MCF2L2: variants seen among roughly 807,000 people sequenced by gnomAD.
MCF2L2 encodes MCF.2 cell line derived transforming sequence-like 2.
MCF2L2 carries 102 observed loss-of-function variants against 150.2 expected under a neutral mutation model. The observed-to-expected ratio is 0.68, with a 90% CI of 0.58 to 0.80. The LOEUF is 0.80. Ranked by LOEUF, MCF2L2 falls within the 30% of genes least tolerant of loss-of-function variation. The pLI is 0.00. For missense variants in MCF2L2, 1,256 were observed against 1,372.8 expected (o/e 0.91, Z 1.34); for synonymous variants, 465 against 491.3 (o/e 0.95, Z 0.71).
chr3:183,250,105 T>C (rs1724447645), intron 15 of MCF2L2, among the ~76,000 whole-genome samples: 1 of 152,204 alleles, frequency 6.6e-6, no homozygotes, highest in Non-Finnish European at 1.5e-5. Flanking sequence ...TACTGACACA[T>C]AACAGCCTGG....
At chr3:183,312,482 C>T (rs1729423660) in intron 7 of MCF2L2, among the ~76,000 whole-genome samples, 2 of 152,148 alleles carry the variant, frequency 1.3e-5, no homozygotes, top group African/African-American at 4.8e-5. Context: ...GTCCAGACTG[C>T]AAAACAAAAG....
In MCF2L2 at chr3:183,270,468, C is replaced by T. The variant is rs1422208998; in HGVS notation, c.1862+6404G>A. ...TCAAGACTTTTGGATTGGTCGTGTTCATCGTGGTGCCCCTCCCATTAGAGA... is the reference window on the plus strand; with the variant it reads ...TCAAGACTTTTGGATTGGTCGTGTTTATCGTGGTGCCCCTCCCATTAGAGA... On this transcript the variant is annotated intron_variant, in intron 15 of 29. Coordinates refer to ENST00000328913, the MANE Select transcript of MCF2L2 (RefSeq NM_015078.4). This position sits in a 1 kb window ranked among gnomAD's most constrained non-coding sequence, Gnocchi z 4.5. 7 of 1,614,152 alleles carry T rather than the reference C, an allele frequency of 4.3e-6. No homozygotes were observed. In the South Asian group the frequency reaches 7.7e-5, roughly 18 times the overall value.
In MCF2L2 at chr3:183,207,802, T is replaced by G. The variant is rs1381242574; in HGVS notation, c.2518A>C (p.Lys840Gln). 6.2e-7 allele frequency: 1 copy of G among 1,614,110 alleles called. No homozygotes were observed. The highest frequency in any genetic ancestry group is 1.1e-5 in the South Asian group (1 of 91,078). ...ECPDDIGKLGKLLLHGPFSVW... is the reference protein window; with the variant it reads ...ECPDDIGKLGQLLLHGPFSVW... ...CTGAAAGGGCCGTGCAGCAACAGCTTGCCTAGTTTTCCAATATCGTCCTTT... is the reference window on the plus strand; with the variant it reads ...CTGAAAGGGCCGTGCAGCAACAGCTGGCCTAGTTTTCCAATATCGTCCTTT... Residue 840 changes from lysine (K) to glutamine (Q), a missense_variant, in exon 23 of 30, where the codon AAG becomes CAG. Physicochemically the swap from Lys to Gln is moderately conservative, Grantham distance 53 (BLOSUM62 1). Transcript: ENST00000328913.
At chr3:183,343,495 T>C (rs987200773) in intron 3 of MCF2L2, among the ~76,000 whole-genome samples, 2 of 151,914 alleles carry the variant, frequency 1.3e-5, no homozygotes, top group Non-Finnish European at 2.9e-5. Flanking sequence ...CTCAGCCTCC[T>C]GAGTAGCTGG....
At chr3:183,336,086 G>A (rs1730466292) in intron 5 of MCF2L2, among the ~76,000 whole-genome samples, 1 of 152,128 alleles carries the variant, frequency 6.6e-6, no homozygotes, top group Non-Finnish European at 1.5e-5. Flanking sequence ...ATAAATTTCT[G>A]TTCTTTATAA....
intron 27 of MCF2L2, chr3:183,180,367 C>T (rs1721477245): frequency 3.9e-6 from 2 of 516,912 alleles, no homozygotes; most frequent in South Asian, 2.9e-5. Context: ...CGTAATTCAC[C>T]GAGAAGGCGC....
chr3:183,335,126 AAAAG>A (rs201550163), intron 5 of MCF2L2, among the ~76,000 whole-genome samples: 26,771 of 135,526 alleles, frequency 0.2, 2,930 homozygotes, highest in African/African-American at 0.41. Context: ...TTAAAAAAAA[AAAAG>A]AAAAAGAAAA....
chr3:183,232,484 C>T (rs1328967574), intron 15 of MCF2L2, among the ~76,000 whole-genome samples: 6 of 152,142 alleles, frequency 3.9e-5, no homozygotes, highest in Admixed American at 3.3e-4. Flanking sequence ...CCTCAGGCTA[C>T]GTGGCCATAT....
intron 7 of MCF2L2, among the ~76,000 whole-genome samples, chr3:183,316,764 G>C (rs1729620988): frequency 6.6e-6 from 1 of 151,934 alleles, no homozygotes; most frequent in African/African-American, 2.4e-5. Context: ...AGAGTGCAGT[G>C]GCGAGATCTC....
chr3:183,269,331 T>TA (rs150891469), intron 15 of MCF2L2, among the ~76,000 whole-genome samples: 1 of 150,970 alleles, frequency 6.6e-6, no homozygotes, highest in East Asian at 2.0e-4. Context: ...TGTCCTCCTT[T>TA]AAAAAAAATA....
intron 26 of MCF2L2, among the ~76,000 whole-genome samples, chr3:183,193,617 G>A (rs1437737197): frequency 6.6e-6 from 1 of 152,148 alleles, no homozygotes. Context: ...CCAAAGTGCT[G>A]GGATTACATG....
chr3:183,194,502 G>A (rs1722016477), intron 26 of MCF2L2, among the ~76,000 whole-genome samples: 2 of 152,150 alleles, frequency 1.3e-5, no homozygotes, highest in Non-Finnish European at 2.9e-5. Flanking sequence ...GCCGGAGGAG[G>A]TAACATCAGA....
At chr3:183,269,805 A>G (rs376525318) in intron 15 of MCF2L2, 6 of 1,603,254 alleles carry the variant, frequency 3.7e-6, no homozygotes, top group Non-Finnish European at 5.1e-6. Flanking sequence ...GGATATGAGA[A>G]TGTTGGTTAG....
intron 3 of MCF2L2, chr3:183,376,493 G>A (rs1577104702): frequency 6.6e-6 from 1 of 152,260 alleles, no homozygotes; most frequent in East Asian, 1.9e-4. Context: ...AATGCCACTG[G>A]GCCAAAGACA....
intron 18 of MCF2L2, chr3:183,226,183 A>G (rs1203530437): frequency 6.6e-6 from 1 of 152,242 alleles, no homozygotes; most frequent in Non-Finnish European, 1.5e-5. Context: ...TCAGAAAACT[A>G]TTTCAAAATT....
chr3:183,242,518 G>C (rs1014688656), intron 15 of MCF2L2, among the ~76,000 whole-genome samples: 2 of 152,258 alleles, frequency 1.3e-5, no homozygotes, highest in African/African-American at 4.8e-5. Context: ...TTGGTTCAGA[G>C]ATGCAAGCCT....
chr3:183,347,430 TA>T (rs1730943819), intron 3 of MCF2L2, among the ~76,000 whole-genome samples: 1 of 152,116 alleles, frequency 6.6e-6, no homozygotes, highest in African/African-American at 2.4e-5. Flanking sequence ...GGCTTAAACA[TA>T]AGACCTAAAA....
chr3:183,365,864 A>C (rs1712491382), intron 3 of MCF2L2, among the ~76,000 whole-genome samples: 1 of 152,208 alleles, frequency 6.6e-6, no homozygotes, highest in Admixed American at 6.5e-5. Context: ...ATAAAGGGCT[A>C]ATACACCAAT....
chr3:183,233,673 T>C (rs1723668461), intron 15 of MCF2L2, among the ~76,000 whole-genome samples: 1 of 152,194 alleles, frequency 6.6e-6, no homozygotes, highest in African/African-American at 2.4e-5. Context: ...GTGATTGCTT[T>C]TGGAGAGTGG....
Sources: gnomAD v4.1 joint callset for allele counts (sites outside exome capture counted in the v4.1 genomes callset) on GRCh38, gnomAD v4.1.1 for gene constraint, Gnocchi (gnomAD v3.1) non-coding constraint, MANE v1.5 for transcripts, NCBI Gene and HGNC (gene_info 2026-07-23, HGNC 2026-07-21) for gene names.